Variants in THRAP3 observed in about 807,000 individuals in gnomAD.
THRAP3 encodes the protein thyroid hormone receptor-associated protein 3.
A neutral mutation model predicts 101.0 loss-of-function variants in THRAP3; 16 were observed. That is an observed-to-expected ratio of 0.16 (90% CI 0.11 to 0.24). The LOEUF is 0.24. THRAP3 is among the 10% of genes least tolerant of loss of function. THRAP3 has a pLI of 1.00. For missense variants in THRAP3, 989 were observed against 1,202.7 expected, an observed-to-expected ratio of 0.82 and a Z score of 2.63; for synonymous variants, 407 against 422.6, an observed-to-expected ratio of 0.96 and a Z score of 0.45.
intron 5 of THRAP3, 114 bp downstream of exon 5, chr1:36,289,878 G>A (rs770499830): frequency 5.7e-6 from 8 of 1,396,160 alleles, no homozygotes; most frequent in South Asian, 3.0e-5. Context: ...AGCTTCAGTG[G>A]TGATACTTTC....
rs369494643 is a variant in THRAP3 at position 36,303,938 on chromosome 1, A to T, written c.2789A>T (p.Glu930Val). 1 of 1,612,718 alleles carries T rather than the reference A, an allele frequency of 6.2e-7. No homozygotes were observed. The highest frequency in any genetic ancestry group is 1.7e-5 in the Admixed American group (1 of 59,708). Residue 930 changes from glutamate to valine, a missense_variant, in exon 12 of 12, where the codon GAG (glutamate) becomes GTG (valine). Glu to Val is a moderately radical substitution (Grantham distance 121). Transcript: ENST00000354618. The stretch of plus-strand genomic sequence containing the variant: ...TGGGCCCATGACAAGTTCAGTGGGG[A>T]GGAAGGGGAGATTGAAGACGACGAG... ...PKWAHDKFSG[E>V]EGEIEDDESG...
At chr1:36,273,607 C>G (rs900475083) in intron 2 of THRAP3, among the ~76,000 whole-genome samples, 2 of 152,174 alleles carry the variant, frequency 1.3e-5, no homozygotes, top group Admixed American at 1.3e-4. Flanking sequence ...AAATGAAACA[C>G]GAGGCATCTA....
chr1:36,224,706 C>T (rs1448005480), intron 1 of THRAP3, among the ~76,000 whole-genome samples: 4 of 152,206 alleles, frequency 2.6e-5, no homozygotes, highest in Non-Finnish European at 5.9e-5. Context: ...TAGGTCTTCC[C>T]CTGGCCCCGG....
At chr1:36,241,956 G>T in intron 1 of THRAP3, 1 of 166,652 alleles carries the variant, frequency 6.0e-6, no homozygotes, top group South Asian at 1.7e-4. Flanking sequence ...GATGTCATTA[G>T]ATGTCTTAGC....
Position 36,296,593 on chromosome 1 carries a change from A to G in THRAP3, c.2126A>G (p.Lys709Arg). The G allele has an allele frequency of 6.4e-7, 1 of 1,553,888 alleles. No homozygotes were observed. Among genetic ancestry groups the G allele is most frequent in the Non-Finnish European group, 8.6e-7 (1 of 1,156,778 alleles). ...CTTATCTTTTGATAGGCTGAGGGAA[A>G]ATACAAAGATGATCCTGTTGATCTC... ...PREPGYKAEG[K>R]YKDDPVDLRL... The change falls in exon 9 of 12, where the codon AAA (lysine) becomes AGA (arginine). Residue 709 changes from lysine to arginine, a missense_variant. Physicochemically the swap from Lys to Arg is conservative, Grantham distance 26. Coordinates refer to ENST00000354618, the MANE Select transcript of THRAP3 (RefSeq NM_005119.4).
intron 5 of THRAP3, among the ~76,000 whole-genome samples, chr1:36,290,183 T>G (rs776649476): frequency 1.3e-4 from 20 of 152,090 alleles, no homozygotes; most frequent in Non-Finnish European, 2.5e-4. Context: ...ATTTTTGAGA[T>G]AGTCTCTCTC....
intron 1 of THRAP3, among the ~76,000 whole-genome samples, chr1:36,254,649 G>A (rs1020343668): frequency 1.2e-4 from 18 of 152,172 alleles, no homozygotes; most frequent in Admixed American, 9.2e-4. Flanking sequence ...GTAGCCATAT[G>A]TAAATGAATG....
At chr1:36,280,043 G>A (rs1339077379) in intron 2 of THRAP3, among the ~76,000 whole-genome samples, 4 of 152,160 alleles carry the variant, frequency 2.6e-5, no homozygotes, top group Non-Finnish European at 5.9e-5. Context: ...CTAGCACTTT[G>A]GGAGGCCAGG....
intron 2 of THRAP3, among the ~76,000 whole-genome samples, chr1:36,271,591 C>CTTTTTTTTTT (rs34782789): frequency 1.0e-4 from 6 of 60,108 alleles, no homozygotes; most frequent in Non-Finnish European, 9.6e-5. Context: ...TTTTTCTTAT[C>CTTTTTTTTTT]TTTTTTTTTT....
chr1:36,213,967 G>GAGAAAGAA, the THRAP3 span, among the ~76,000 whole-genome samples: 5 of 98,016 alleles, frequency 5.1e-5, no homozygotes, highest in South Asian at 3.3e-4. Context: ...AAGAAGGAAA[G>GAGAAAGAA]AGAAAGAAAG....
At chr1:36,218,038 T>C in the THRAP3 span, among the ~76,000 whole-genome samples, 1 of 152,150 alleles carries the variant, frequency 6.6e-6, no homozygotes. Context: ...GTTGTGTCAA[T>C]TAGCCAAGTT....
At chr1:36,273,043 T>C (rs1205322513) in intron 2 of THRAP3, among the ~76,000 whole-genome samples, 1 of 152,258 alleles carries the variant, frequency 6.6e-6, no homozygotes, top group Admixed American at 6.5e-5. Flanking sequence ...ATTTAACAAG[T>C]ACAAAGTGTC....
chr1:36,287,598 G>T (rs1645812857), intron 4 of THRAP3: 1 of 985,254 alleles, frequency 1.0e-6, no homozygotes, highest in Admixed American at 6.1e-5. Flanking sequence ...AAAAAGTATG[G>T]TCTTTGCCAA....
intron 1 of THRAP3, among the ~76,000 whole-genome samples, chr1:36,232,458 T>C (rs1312981044): frequency 3.3e-5 from 5 of 152,142 alleles, no homozygotes; most frequent in African/African-American, 1.2e-4. Flanking sequence ...TCAAAAACTG[T>C]TGCTGTTTCC....
intron 8 of THRAP3, among the ~76,000 whole-genome samples, chr1:36,295,545 T>TTTCCTTCCTTCCTTCCTTCCTTCCTTCC (rs55705007): frequency 2.1e-4 from 30 of 145,520 alleles, no homozygotes; most frequent in African/African-American, 7.3e-4. Flanking sequence ...AGAGAAGTTT[T>TTTCCTTCCTTCCTTCCTTCCTTCCTTCC]TTCCTTCCTT....
intron 1 of THRAP3, among the ~76,000 whole-genome samples, chr1:36,250,974 TA>T (rs1042900771): frequency 1.3e-5 from 2 of 151,760 alleles, no homozygotes; most frequent in African/African-American, 4.8e-5. Flanking sequence ...CTTGAACTCC[TA>T]AGCTCAAGTG....
chr1:36,218,830 C>G, the THRAP3 span, among the ~76,000 whole-genome samples: 7 of 151,756 alleles, frequency 4.6e-5, no homozygotes, highest in Non-Finnish European at 1.0e-4. Context: ...GTCAGGAGTT[C>G]GAGACCAGCC....
chr1:36,301,417 A>C, intron 10 of THRAP3, 136 bp from the exon 11 acceptor site: 2 of 1,178,924 alleles, frequency 1.7e-6, no homozygotes, highest in Non-Finnish European at 2.3e-6. Context: ...GAATGGCTGG[A>C]AACCAGCTGA....
intron 2 of THRAP3, among the ~76,000 whole-genome samples, chr1:36,278,389 G>T (rs1305251761): frequency 6.6e-6 from 1 of 152,062 alleles, no homozygotes; most frequent in Non-Finnish European, 1.5e-5. Context: ...GACCGTAAAT[G>T]TAAGGATAAA....
Sources: gnomAD v4.1 joint callset for allele counts (sites outside exome capture counted in the v4.1 genomes callset) on GRCh38, gnomAD v4.1.1 for gene constraint, MANE v1.5 for transcripts, NCBI Gene and HGNC (gene_info 2026-07-23, HGNC 2026-07-21) for gene names.